RAI2: variants seen among roughly 807,000 people sequenced by gnomAD.
RAI2 encodes retinoic acid-induced protein 2.
A neutral mutation model predicts 15.3 loss-of-function variants in RAI2; 5 were observed. That is an observed-to-expected ratio of 0.33 (90% confidence interval 0.17 to 0.69). The LOEUF is 0.69. Among genes scored for constraint, RAI2 ranks in the 30% least tolerant of loss-of-function variants. RAI2 has a pLI of 0.69. For missense variants in RAI2, 424 were observed against 424.7 expected (o/e 1.00, Z 0.01); for synonymous variants, 191 against 184.0 (o/e 1.04, Z -0.31).
At chrX:17,833,089 C>T (rs1273364107) in intron 1 of RAI2, among the ~76,000 whole-genome samples, 1 of 112,018 alleles carries the variant, frequency 8.9e-6, no homozygotes, top group African/African-American at 3.2e-5. Context: ...CATAAACAGT[C>T]TTATATTCAT....
chrX:17,815,289 A>G (rs1015510060), intron 1 of RAI2, among the ~76,000 whole-genome samples: 3 of 106,586 alleles, frequency 2.8e-5, no homozygotes, highest in Non-Finnish European at 5.8e-5. Context: ...GAGTTCCAGA[A>G]TGCATGTGTT....
intron 1 of RAI2, among the ~76,000 whole-genome samples, chrX:17,854,530 A>ATGGC (rs1453583043): frequency 5.4e-5 from 6 of 112,032 alleles, no homozygotes; most frequent in African/African-American, 1.9e-4. Context: ...GAAGGAAAGA[A>ATGGC]TGGCTGACAG....
chrX:17,852,611 G>A (rs776660911), intron 1 of RAI2, among the ~76,000 whole-genome samples: 37 of 111,497 alleles, frequency 3.3e-4, no homozygotes, highest in Non-Finnish European at 6.0e-4. Context: ...TGGTTTGCCC[G>A]CATGACACCT....
At chrX:17,808,418 T>TA (rs1299669507) in intron 1 of RAI2, among the ~76,000 whole-genome samples, 53 of 106,929 alleles carry the variant, frequency 5.0e-4, no homozygotes, top group African/African-American at 1.0e-3. Flanking sequence ...ATCTGGAACT[T>TA]AAAAAAAAAA....
At chrX:17,812,718 ACT>A (rs762748208) in intron 1 of RAI2, among the ~76,000 whole-genome samples, 1 of 111,884 alleles carries the variant, frequency 8.9e-6, no homozygotes, top group East Asian at 2.8e-4. Flanking sequence ...TCATTTTCTC[ACT>A]CACAAAAACA....
chrX:17,832,973 T>C (rs964034442), intron 1 of RAI2, among the ~76,000 whole-genome samples: 2 of 111,735 alleles, frequency 1.8e-5, no homozygotes, highest in African/African-American at 6.5e-5. Flanking sequence ...GGGCACATCA[T>C]TCTTGCTTAT....
rs2066892897 is a variant in RAI2 at position 17,800,649 on chromosome X, C to A, written c.1362G>T (p.Lys454Asn). The A allele has an allele frequency of 8.3e-7, 1 of 1,211,593 alleles. No individual in the cohort carries two copies. The highest frequency in any genetic ancestry group is 1.1e-6 in the Non-Finnish European group (1 of 895,403). The change falls in exon 2 of 2, where the codon AAG becomes AAT. Residue 454 changes from lysine (K) to asparagine (N), a missense_variant. Lys to Asn is a moderately conservative substitution (Grantham distance 94). Transcript: ENST00000451717. Reference sequence around the variant, plus strand: ...TGGACACCCCTGAGAGGCCTTTGATCTTGCCACAGAATATGGTAGGCACAG... The same window carrying A: ...TGGACACCCCTGAGAGGCCTTTGATATTGCCACAGAATATGGTAGGCACAG... ...EDAVPTIFCG[K>N]IKGLSGVSTK...
At chrX:17,849,488 G>A (rs1186747234) in intron 1 of RAI2, among the ~76,000 whole-genome samples, 4 of 112,248 alleles carry the variant, frequency 3.6e-5, no homozygotes, top group Non-Finnish European at 3.8e-5. Context: ...TTCATAATAC[G>A]TATACCTACC....
At chrX:17,857,582 T>C (rs756837931) in intron 1 of RAI2, among the ~76,000 whole-genome samples, 1 of 111,275 alleles carries the variant, frequency 9.0e-6, no homozygotes, top group South Asian at 3.9e-4. Flanking sequence ...ATGGATTTTG[T>C]AAAGATTAAA....
chrX:17,807,200 G>C (rs1406489136), intron 1 of RAI2, among the ~76,000 whole-genome samples: 1 of 111,427 alleles, frequency 9.0e-6, no homozygotes, highest in African/African-American at 3.3e-5. Context: ...AAGGGGTTCA[G>C]CTCTAAAGTT....
intron 1 of RAI2, among the ~76,000 whole-genome samples, chrX:17,846,200 G>T (rs1228190318): frequency 8.9e-6 from 1 of 112,251 alleles, no homozygotes; most frequent in Non-Finnish European, 1.9e-5. Context: ...CCACTGCTTT[G>T]GTTCCAATCA....
chrX:17,832,411 T>C (rs1394938365), intron 1 of RAI2, among the ~76,000 whole-genome samples: 1 of 112,061 alleles, frequency 8.9e-6, no homozygotes, highest in Admixed American at 9.4e-5. Flanking sequence ...ATACAGCTGC[T>C]CGCCTCACCC....
At chrX:17,806,580 T>C (rs1178036007) in intron 1 of RAI2, among the ~76,000 whole-genome samples, 1 of 109,919 alleles carries the variant, frequency 9.1e-6, no homozygotes, top group Admixed American at 9.8e-5. Flanking sequence ...GTGCCCCCTG[T>C]ATGGAGACAG....
chrX:17,858,576 G>C (rs796400464), intron 1 of RAI2, among the ~76,000 whole-genome samples: 1 of 112,069 alleles, frequency 8.9e-6, no homozygotes, highest in East Asian at 2.8e-4. Context: ...CAGCTTCTGG[G>C]TCATTACAGC....
At chrX:17,805,381 C>A (rs1049911823) in intron 1 of RAI2, among the ~76,000 whole-genome samples, 1 of 113,003 alleles carries the variant, frequency 8.8e-6, no homozygotes. Context: ...CCTCTGGTCA[C>A]CGGAGTTCCT....
At chrX:17,813,638 G>A (rs930715973) in intron 1 of RAI2, among the ~76,000 whole-genome samples, 8 of 111,466 alleles carry the variant, frequency 7.2e-5, no homozygotes, top group African/African-American at 2.6e-4. Context: ...ACATGAATGT[G>A]AGTCAATTAT....
At chrX:17,847,446 C>T (rs2067476745) in intron 1 of RAI2, among the ~76,000 whole-genome samples, 1 of 113,159 alleles carries the variant, frequency 8.8e-6, no homozygotes, top group Admixed American at 9.3e-5. Flanking sequence ...TATCAAGGCA[C>T]ACAAGACCCA....
At chrX:17,835,286 G>A (rs1331290172) in intron 1 of RAI2, among the ~76,000 whole-genome samples, 1 of 112,316 alleles carries the variant, frequency 8.9e-6, no homozygotes, top group Non-Finnish European at 1.9e-5. Flanking sequence ...GTAGCATGGT[G>A]CGGGATCAGA....
At position 17,801,806 on chromosome X, in the gene RAI2, T is replaced by C. The variant is rs774752781; in HGVS notation, c.205A>G (p.Met69Val). ...ACAGTGGCCGCCACCTTCAGAGCCA[T>C]GCCACTCTGAGACTCGGCAGGGGGG... ...LNPPAESQSG[M>V]ALKVAATVLQ... Residue 69 changes from methionine to valine, a missense_variant, in exon 2 of 2, where the codon ATG (methionine) becomes GTG (valine). Transcript: ENST00000451717. 4 of 1,211,485 alleles carry C rather than the reference T, an allele frequency of 3.3e-6. No homozygotes were observed. In the Admixed American group the frequency reaches 8.7e-5, roughly 26 times the overall value.
Sources: gnomAD v4.1 joint callset for allele counts (sites outside exome capture counted in the v4.1 genomes callset) on GRCh38, gnomAD v4.1.1 for gene constraint, MANE v1.5 for transcripts, NCBI Gene and HGNC (gene_info 2026-07-23, HGNC 2026-07-21) for gene names.